Variants in NSG2 observed in about 807,000 individuals in gnomAD.
NSG2 encodes the protein neuronal vesicle trafficking-associated protein 2.
In NSG2, 4 loss-of-function variants were observed where a neutral mutation model predicts 16.9. That is an observed-to-expected ratio of 0.24 (90% CI 0.12 to 0.54). The LOEUF (loss-of-function observed/expected upper bound fraction) is 0.54, where lower values mean the gene tolerates loss of function less well. Among genes scored for constraint, NSG2 ranks in the 20% least tolerant of loss-of-function variants. The probability of loss-of-function intolerance (pLI) is 0.95; values close to 1 mark genes in which losing one functional copy is unlikely to be tolerated. For synonymous variants in NSG2, 98 were observed against 88.7 expected, an observed-to-expected ratio of 1.11 and a Z score of -0.59; for missense variants, 179 against 221.1, an observed-to-expected ratio of 0.81 and a Z score of 1.21.
chr5:174,085,735 G>T (rs1760601325), intron 3 of NSG2, among the ~76,000 whole-genome samples: 1 of 152,178 alleles, frequency 6.6e-6, no homozygotes, highest in Admixed American at 6.5e-5. Context: ...AAACGCTAGT[G>T]ATTGACAAGT....
chr5:174,103,304 T>C (rs1306260041), intron 3 of NSG2, among the ~76,000 whole-genome samples: 1 of 152,062 alleles, frequency 6.6e-6, no homozygotes, highest in Non-Finnish European at 1.5e-5. Context: ...TCTGGTAGAT[T>C]GGATGTGGTG....
rs141737422 is a variant in NSG2 at position 174,093,824 on chromosome 5, G to C, written c.214-10404G>C. Among the ~76,000 whole-genome samples, 374 of 152,282 alleles carry C rather than the reference G, an allele frequency of 2.5e-3. 2 individuals carry two copies. The highest frequency in any genetic ancestry group is 8.5e-3 in the African/African-American group (352 of 41,564). ...TTCATAAAAAAGACTGGTTTATGGT[G>C]CACTGTGGTGCTAAGATGTGGCAGT... On this transcript the variant is annotated intron_variant, in intron 3 of 4. Transcript: ENST00000303177.
chr5:174,107,481 G>A lies in NSG2; in HGVS notation c.492G>A (p.Lys164=). 6.2e-7 allele frequency: 1 copy of A among 1,611,574 alleles called. No homozygotes were observed. Among genetic ancestry groups the A allele is most frequent in the East Asian group, 2.2e-5 (1 of 44,786 alleles). Residue 164 remains lysine (K), a synonymous_variant, in exon 5 of 5, where the codon AAG becomes AAA. Transcript: ENST00000303177. This position sits in a 1 kb window ranked among gnomAD's most constrained non-coding sequence, Gnocchi z 4.5. ...LSAAAVIHEP[K]PPKTQGH Reference sequence around the variant, plus strand: ...CAGCCGCTGTCATCCATGAGCCCAAGCCGCCCAAGACCCAGGGCCACTAGA... The same window carrying A: ...CAGCCGCTGTCATCCATGAGCCCAAACCGCCCAAGACCCAGGGCCACTAGA...
At chr5:174,049,449 A>G (rs2113416660) in intron 2 of NSG2, among the ~76,000 whole-genome samples, 1 of 152,106 alleles carries the variant, frequency 6.6e-6, no homozygotes, top group East Asian at 2.0e-4. Context: ...GCACGTGCAC[A>G]CACACACACA....
chr5:174,059,153 A>T (rs1760010756), intron 2 of NSG2, among the ~76,000 whole-genome samples: 1 of 152,242 alleles, frequency 6.6e-6, no homozygotes, highest in Non-Finnish European at 1.5e-5. Flanking sequence ...TAAACATATT[A>T]TACATATAAA....
At chr5:174,075,301 C>T (rs940581342) in intron 3 of NSG2, among the ~76,000 whole-genome samples, 13 of 152,084 alleles carry the variant, frequency 8.5e-5, no homozygotes, top group African/African-American at 3.1e-4. Context: ...GTTTTCTGAC[C>T]CAGAGCGGTA....
chr5:174,059,595 C>A (rs1025211048), intron 2 of NSG2, among the ~76,000 whole-genome samples: 8 of 152,158 alleles, frequency 5.3e-5, no homozygotes, highest in African/African-American at 1.9e-4. Context: ...TAACAGAAAA[C>A]CCAGCCAAAA....
chr5:174,106,349 G>A (rs561040609), intron 4 of NSG2, among the ~76,000 whole-genome samples: 3 of 152,160 alleles, frequency 2.0e-5, no homozygotes, highest in South Asian at 2.1e-4. Flanking sequence ...GGACATAAAC[G>A]TGCAAAGAAA....
intron 3 of NSG2, among the ~76,000 whole-genome samples, chr5:174,079,279 A>G (rs567335785): frequency 1.4e-5 from 2 of 145,268 alleles, no homozygotes; most frequent in East Asian, 4.0e-4. Context: ...TTTTTTTTAG[A>G]TGGAGTCTTG....
chr5:174,090,748 C>T (rs369495976), intron 3 of NSG2, among the ~76,000 whole-genome samples: 1 of 152,202 alleles, frequency 6.6e-6, no homozygotes, highest in Non-Finnish European at 1.5e-5. Flanking sequence ...TTCCTTCCTC[C>T]TCATGGACAA....
chr5:174,080,449 G>A (rs928787414), intron 3 of NSG2, among the ~76,000 whole-genome samples: 4 of 150,208 alleles, frequency 2.7e-5, no homozygotes, highest in Non-Finnish European at 5.9e-5. Flanking sequence ...GAGATGCTAC[G>A]TCTTTAAAAT....
chr5:174,067,030 T>C (rs1581223000), intron 3 of NSG2, among the ~76,000 whole-genome samples: 1 of 146,200 alleles, frequency 6.8e-6, no homozygotes, highest in Non-Finnish European at 1.5e-5. Context: ...ATGATGGCTG[T>C]GAAGTGCAAT....
Position 174,107,338 on chromosome 5 carries a change from C to T in NSG2, c.349C>T (p.Leu117=). 1 of 1,582,642 alleles carries T rather than the reference C, an allele frequency of 6.3e-7. No individual in the cohort carries two copies. Among genetic ancestry groups the T allele is most frequent in the Non-Finnish European group, 8.6e-7 (1 of 1,159,028 alleles). ...GCACAAACGCTGTATCCCAGCCTCCCTGGATGCTTACTACTCCTCCCAGGA... is the reference window on the plus strand; with the variant it reads ...GCACAAACGCTGTATCCCAGCCTCCTTGGATGCTTACTACTCCTCCCAGGA... The part of the protein sequence containing the change: ...YKHKRCIPAS[L]DAYYSSQDPN... Residue 117 remains leucine, a synonymous_variant, in exon 5 of 5, where the codon CTG becomes TTG. Coordinates refer to ENST00000303177, the MANE Select transcript of NSG2 (RefSeq NM_015980.5). This position sits in a 1 kb window ranked among gnomAD's most constrained non-coding sequence, Gnocchi z 4.5.
chr5:174,094,563 T>C (rs1760765885), intron 3 of NSG2, among the ~76,000 whole-genome samples: 1 of 152,162 alleles, frequency 6.6e-6, no homozygotes, highest in African/African-American at 2.4e-5. Flanking sequence ...TGGCCATAGT[T>C]ACCTCAGAGA....
At chr5:174,093,036 G>A (rs1377910671) in intron 3 of NSG2, among the ~76,000 whole-genome samples, 1 of 152,140 alleles carries the variant, frequency 6.6e-6, no homozygotes. Flanking sequence ...AAAATGAACT[G>A]TAATGTTATT....
intron 3 of NSG2, among the ~76,000 whole-genome samples, chr5:174,081,084 T>C (rs1581231583): frequency 6.6e-6 from 1 of 152,164 alleles, no homozygotes; most frequent in Non-Finnish European, 1.5e-5. Context: ...TTGAATTTTG[T>C]ATATTTATTT....
intron 3 of NSG2, among the ~76,000 whole-genome samples, chr5:174,071,679 C>G (rs1257748560): frequency 6.6e-6 from 1 of 152,234 alleles, no homozygotes. Context: ...ATGTGCACTA[C>G]CCCGCTGAAT....
chr5:174,064,409 G>C (rs983363791), intron 3 of NSG2, 94 bp downstream of exon 3: 1 of 689,700 alleles, frequency 1.4e-6, no homozygotes, highest in African/African-American at 1.8e-5. Flanking sequence ...ACTGCTGTGG[G>C]TGGGGAAATG....
intron 3 of NSG2, among the ~76,000 whole-genome samples, chr5:174,077,082 TA>T (rs1489138594): frequency 6.6e-6 from 1 of 151,998 alleles, no homozygotes; most frequent in East Asian, 1.9e-4. Flanking sequence ...GGAAGCTCAA[TA>T]AAAAAATGAG....
Sources: gnomAD v4.1 joint callset for allele counts (sites outside exome capture counted in the v4.1 genomes callset) on GRCh38, gnomAD v4.1.1 for gene constraint, Gnocchi (gnomAD v3.1) non-coding constraint, MANE v1.5 for transcripts, NCBI Gene and HGNC (gene_info 2026-07-23, HGNC 2026-07-21) for gene names.